The following SORCS2 variants were observed in gnomAD, a reference collection of about 807,000 sequenced individuals.
The protein encoded by SORCS2 is VPS10 domain-containing receptor SorCS2.
Under a neutral mutation model 141.6 loss-of-function variants are expected in SORCS2, and 100 were observed. The observed-to-expected ratio is 0.71, with a 90% CI of 0.60 to 0.83. The LOEUF (loss-of-function observed/expected upper bound fraction) is 0.83. SORCS2 is among the 40% of genes least tolerant of loss of function. The probability of loss-of-function intolerance (pLI) is 0.00; values close to 1 mark genes in which losing one functional copy is unlikely to be tolerated. For missense variants in SORCS2, 1,646 were observed against 1,560.2 expected (o/e 1.05, Z -0.93); for synonymous variants, 789 against 676.9 (o/e 1.17, Z -2.57).
At chr4:7,625,876 C>T (rs73218619) in intron 3 of SORCS2, among the ~76,000 whole-genome samples, 1,798 of 149,998 alleles carry the variant, frequency 0.012, 13 homozygotes, top group Middle Eastern at 0.017. Context: ...CGGTGGCTCA[C>T]ATCTGTGATC....
chr4:7,396,244 G>C, intron 1 of SORCS2, 44 bp from the exon 2 acceptor site: 1 of 1,593,466 alleles, frequency 6.3e-7, no homozygotes, highest in Non-Finnish European at 8.6e-7. Context: ...TGAGAACCTT[G>C]GCACCCACTG....
intron 3 of SORCS2, among the ~76,000 whole-genome samples, chr4:7,636,973 G>A (rs35828773): frequency 0.28 from 42,516 of 151,822 alleles, 6,994 homozygotes; most frequent in East Asian, 0.72. Flanking sequence ...ATTCATGGCC[G>A]TGGTGATGTG....
intron 1 of SORCS2, among the ~76,000 whole-genome samples, chr4:7,329,498 C>T (rs1424903867): frequency 1.3e-5 from 2 of 152,186 alleles, no homozygotes; most frequent in African/African-American, 2.4e-5. Flanking sequence ...GTGGCCCCTA[C>T]CCTGAACACA....
intron 1 of SORCS2, among the ~76,000 whole-genome samples, chr4:7,241,837 G>T (rs537922518): frequency 6.6e-6 from 1 of 152,248 alleles, no homozygotes; most frequent in East Asian, 1.9e-4. Flanking sequence ...ATCTGTGTGC[G>T]TGTGTGTGTG....
intron 2 of SORCS2, among the ~76,000 whole-genome samples, chr4:7,476,724 T>C (rs35685691): frequency 0.14 from 21,088 of 152,070 alleles, 1,989 homozygotes; most frequent in African/African-American, 0.25. Context: ...GAACCCTCTC[T>C]TGCCACACCT....
intron 3 of SORCS2, among the ~76,000 whole-genome samples, chr4:7,602,443 G>A (rs1302164437): frequency 4.6e-5 from 7 of 151,626 alleles, no homozygotes; most frequent in South Asian, 4.2e-4. Context: ...AGACAGGGTC[G>A]CGGCCAGGCA....
rs779450957 is a variant in SORCS2 at position 7,712,884 on chromosome 4, G to A, written c.1989+31G>A. ...CCGGCATGAGGCTGGGATCGGGCAG[G>A]TGGGGTACAGACTGCAAACACAGGC... On this transcript the variant is annotated intron_variant, in intron 15 of 26. Transcript: ENST00000507866. 3.1e-6 allele frequency: 5 copies of A among 1,611,398 alleles called. No homozygotes were observed. The Admixed American group carries it at 6.7e-5, about 21-fold the overall frequency.
At chr4:7,207,861 T>C (rs1727836081) in intron 1 of SORCS2, among the ~76,000 whole-genome samples, 1 of 152,226 alleles carries the variant, frequency 6.6e-6, no homozygotes, top group African/African-American at 2.4e-5. Context: ...TTTCCTGATA[T>C]GAATTATTGC....
chr4:7,577,133 C>T (rs948725130), intron 3 of SORCS2, among the ~76,000 whole-genome samples: 4 of 152,140 alleles, frequency 2.6e-5, no homozygotes, highest in African/African-American at 2.4e-5. Flanking sequence ...CAAGAACGCT[C>T]ATGTGGAGGG....
intron 8 of SORCS2, among the ~76,000 whole-genome samples, chr4:7,667,642 G>A (rs1445999948): frequency 2.0e-5 from 3 of 152,140 alleles, no homozygotes; most frequent in African/African-American, 7.2e-5. Flanking sequence ...ATATTGCTGG[G>A]GTGGGGATGA....
intron 2 of SORCS2, among the ~76,000 whole-genome samples, chr4:7,496,434 C>A (rs1458392351): frequency 1.6e-4 from 7 of 42,516 alleles, no homozygotes; most frequent in South Asian, 1.7e-3. Context: ...GGAGCCCCCC[C>A]CCCCCACTCC....
intron 4 of SORCS2, among the ~76,000 whole-genome samples, chr4:7,643,006 T>G (rs1309886848): frequency 6.6e-6 from 1 of 152,202 alleles, no homozygotes; most frequent in Admixed American, 6.5e-5. Context: ...CTCTAAGGAT[T>G]TGCAGATTTG....
At chr4:7,564,368 C>T (rs984795163) in intron 3 of SORCS2, among the ~76,000 whole-genome samples, 15 of 152,226 alleles carry the variant, frequency 9.9e-5, no homozygotes, top group Non-Finnish European at 1.8e-4. Context: ...AGCTCTCTGC[C>T]TTCATTGTCA....
intron 9 of SORCS2, among the ~76,000 whole-genome samples, chr4:7,677,792 TG>T (rs1723260886): frequency 6.6e-6 from 1 of 152,182 alleles, no homozygotes; most frequent in Non-Finnish European, 1.5e-5. Context: ...ACGATGCAGA[TG>T]CAGCCTCACT....
chr4:7,261,825 T>C (rs961313325), intron 1 of SORCS2, among the ~76,000 whole-genome samples: 21 of 152,226 alleles, frequency 1.4e-4, no homozygotes, highest in Non-Finnish European at 2.5e-4. Flanking sequence ...GAAGGGGCCC[T>C]GTGGGCATGG....
intron 1 of SORCS2, among the ~76,000 whole-genome samples, chr4:7,372,158 A>G (rs996508023): frequency 6.6e-6 from 1 of 152,232 alleles, no homozygotes; most frequent in African/African-American, 2.4e-5. Flanking sequence ...GCACCCCAGA[A>G]GCCAGAAGGT....
At chr4:7,642,209 C>T (rs1416088445) in intron 4 of SORCS2, among the ~76,000 whole-genome samples, 2 of 152,232 alleles carry the variant, frequency 1.3e-5, no homozygotes, top group Non-Finnish European at 2.9e-5. Context: ...GACTGGCGTC[C>T]CTGCATTTCT....
At chr4:7,451,947 G>C (rs950149076) in intron 2 of SORCS2, among the ~76,000 whole-genome samples, 1 of 152,154 alleles carries the variant, frequency 6.6e-6, no homozygotes, top group Admixed American at 6.5e-5. Context: ...GTGCTTGCGC[G>C]AGTGCACATT....
intron 3 of SORCS2, among the ~76,000 whole-genome samples, chr4:7,535,227 G>T (rs1310990135): frequency 6.6e-6 from 1 of 152,244 alleles, no homozygotes; most frequent in African/African-American, 2.4e-5. Context: ...GGAGGCACCA[G>T]GAGGCCCACC....
Sources: gnomAD v4.1 joint callset for allele counts (sites outside exome capture counted in the v4.1 genomes callset) on GRCh38, gnomAD v4.1.1 for gene constraint, MANE v1.5 for transcripts, NCBI Gene and HGNC (gene_info 2026-07-23, HGNC 2026-07-21) for gene names.